The following LINGO2 variants were observed in gnomAD, a reference collection of about 807,000 sequenced individuals.
LINGO2 encodes the protein leucine rich repeat and Ig domain containing 2, also known as leucine-rich repeat and immunoglobulin-like domain-containing nogo receptor-interacting protein 2.
In LINGO2, 14 loss-of-function variants were observed where a neutral mutation model predicts 30.6. That is an observed-to-expected ratio of 0.46 (90% CI 0.30 to 0.72). The LOEUF is 0.72. Among genes scored for constraint, LINGO2 ranks in the 30% least tolerant of loss-of-function variants. LINGO2 has a pLI of 0.07. For synonymous variants in LINGO2, 317 were observed against 288.5 expected, an observed-to-expected ratio of 1.10 and a Z score of -1.00; for missense variants, 729 against 751.7, an observed-to-expected ratio of 0.97 and a Z score of 0.35.
At chr9:29,085,775 A>G in the LINGO2 span, among the ~76,000 whole-genome samples, 647 of 152,292 alleles carry the variant, frequency 4.2e-3, 2 homozygotes, top group Middle Eastern at 0.014. Flanking sequence ...TAGTATTATA[A>G]GTACTATTAG....
At chr9:28,890,490 A>G in the LINGO2 span, among the ~76,000 whole-genome samples, 1 of 151,884 alleles carries the variant, frequency 6.6e-6, no homozygotes, top group African/African-American at 2.4e-5. Flanking sequence ...AGCCTCAACT[A>G]CTCTGAATTA....
At chr9:27,986,641 G>A (rs1263492234) in intron 5 of LINGO2, among the ~76,000 whole-genome samples, 1 of 151,840 alleles carries the variant, frequency 6.6e-6, no homozygotes, top group Non-Finnish European at 1.5e-5. Context: ...GACTTTGAGG[G>A]AAGGTAGGTG....
At chr9:29,129,997 A>G in the LINGO2 span, among the ~76,000 whole-genome samples, 1 of 152,174 alleles carries the variant, frequency 6.6e-6, no homozygotes, top group Non-Finnish European at 1.5e-5. Context: ...GGTAAAAAGC[A>G]TAGGAATGTG....
the LINGO2 span, among the ~76,000 whole-genome samples, chr9:29,035,496 C>T: frequency 6.6e-6 from 1 of 151,058 alleles, no homozygotes; most frequent in African/African-American, 2.4e-5. Context: ...AGCATCTAAG[C>T]TGACATCTTT....
chr9:28,732,149 A>C, the LINGO2 span, among the ~76,000 whole-genome samples: 1 of 152,144 alleles, frequency 6.6e-6, no homozygotes, highest in African/African-American at 2.4e-5. Context: ...GTTTCTGGTC[A>C]GGGTTTTAAG....
the LINGO2 span, among the ~76,000 whole-genome samples, chr9:29,201,839 T>A: frequency 6.6e-6 from 1 of 151,998 alleles, no homozygotes; most frequent in Admixed American, 6.6e-5. Flanking sequence ...GCCAGAAAAG[T>A]GTTTTTCACC....
chr9:28,727,332 C>A, the LINGO2 span, among the ~76,000 whole-genome samples: 24 of 151,950 alleles, frequency 1.6e-4, no homozygotes, highest in South Asian at 4.8e-3. Context: ...GTCTCCCAGG[C>A]TGGAATGCAG....
chr9:29,114,719 C>A, the LINGO2 span, among the ~76,000 whole-genome samples: 4 of 151,856 alleles, frequency 2.6e-5, no homozygotes, highest in African/African-American at 9.7e-5. Flanking sequence ...CATGTCCCTA[C>A]AAAGGACATG....
chr9:28,048,463 C>T (rs916242403), intron 4 of LINGO2, among the ~76,000 whole-genome samples: 3 of 150,636 alleles, frequency 2.0e-5, no homozygotes, highest in African/African-American at 7.4e-5. Flanking sequence ...CTGAAGATAC[C>T]TTTAGTCACC....
chr9:28,671,943 A>G (rs1292560670), upstream of LINGO2, among the ~76,000 whole-genome samples: 1 of 152,126 alleles, frequency 6.6e-6, no homozygotes, highest in African/African-American at 2.4e-5. Flanking sequence ...TTATCATTTC[A>G]ATTTTTCTAA....
At chr9:28,675,903 A>ATG in the LINGO2 span, among the ~76,000 whole-genome samples, 35 of 120,056 alleles carry the variant, frequency 2.9e-4, no homozygotes, top group Admixed American at 5.8e-4. Context: ...GTGTGTGTGT[A>ATG]TGTATATATA....
chr9:29,211,202 C>G, the LINGO2 span, among the ~76,000 whole-genome samples: 1 of 152,154 alleles, frequency 6.6e-6, no homozygotes, highest in Non-Finnish European at 1.5e-5. Flanking sequence ...TGCACAAACA[C>G]AGCACAGCAC....
At position 28,011,730 on chromosome 9, in the gene LINGO2, A is replaced by C. The variant is rs1287700971; in HGVS notation, c.-36+625T>G. Among the ~76,000 whole-genome samples the C allele has an allele frequency of 3.3e-5, 5 of 152,176 alleles. No homozygotes were observed. The East Asian group carries it at 9.6e-4, about 29-fold the overall frequency. On this transcript the variant is annotated intron_variant, in intron 5 of 5. Transcript: ENST00000379992. The stretch of plus-strand genomic sequence containing the variant: ...CATTTTCATCTTACTGCAGAGTTTA[A>C]ATACCCTAAAGTGTGGTCACAAACT...
intron 4 of LINGO2, among the ~76,000 whole-genome samples, chr9:28,226,642 G>A (rs28640205): frequency 0.36 from 18,849 of 51,668 alleles, 2,792 homozygotes; most frequent in African/African-American, 0.38. Flanking sequence ...AAGGAAAGAA[G>A]GAAAGAAAGA....
At chr9:28,173,487 T>G (rs1468190762) in intron 4 of LINGO2, among the ~76,000 whole-genome samples, 1 of 152,156 alleles carries the variant, frequency 6.6e-6, no homozygotes, top group Non-Finnish European at 1.5e-5. Context: ...GACCAATTTT[T>G]TGAATTATAT....
rs144636732 is a variant in LINGO2, at chr9:28,325,920, C to T, written c.-245-30554G>A. ...AACAGAGTTGAGCTCAATCTCTCTC[C>T]CCTACTGCAACAGTCTTAAATAAAG... On this transcript the variant is annotated intron_variant, in intron 3 of 5. Coordinates refer to ENST00000379992, the Ensembl canonical transcript of LINGO2. Among the ~76,000 whole-genome samples, 449 of 152,264 alleles carry T rather than the reference C, an allele frequency of 2.9e-3. 4 individuals carry two copies. Among genetic ancestry groups the T allele is most frequent in the African/African-American group, 0.01 (429 of 41,548 alleles).
chr9:28,532,343 G>C (rs1821266064), intron 1 of LINGO2, among the ~76,000 whole-genome samples: 1 of 152,048 alleles, frequency 6.6e-6, no homozygotes, highest in African/African-American at 2.4e-5. Context: ...AGCTAAAATA[G>C]GTTGTGAGAA....
the LINGO2 span, among the ~76,000 whole-genome samples, chr9:29,102,332 C>T: frequency 2.9e-4 from 44 of 152,244 alleles, no homozygotes; most frequent in African/African-American, 9.6e-4. Context: ...CCGCCTGCCT[C>T]GGCCTCCCAA....
chr9:28,495,188 G>GT (rs139368896), intron 1 of LINGO2, among the ~76,000 whole-genome samples: 113,193 of 151,976 alleles, frequency 0.74, 42,322 homozygotes, highest in East Asian at 0.84. Flanking sequence ...TCTGATGGTA[G>GT]TTTTTCTACT....
Sources: allele counts gnomAD v4.1 joint callset (sites outside exome capture counted in the v4.1 genomes callset), GRCh38; gene constraint gnomAD v4.1.1; transcripts MANE v1.5; gene names NCBI Gene and HGNC (gene_info 2026-07-23, HGNC 2026-07-21).